TENM2: variants seen among roughly 807,000 people sequenced by gnomAD.
TENM2 encodes the protein teneurin transmembrane protein 2, also known as teneurin-2.
TENM2 carries 52 observed loss-of-function variants against 245.2 expected under a neutral mutation model. That is an observed-to-expected ratio of 0.21 (90% CI 0.17 to 0.27). The LOEUF is 0.27. TENM2 is among the 10% of genes least tolerant of loss of function. The probability of loss-of-function intolerance (pLI) is 1.00; values close to 1 mark genes in which losing one functional copy is unlikely to be tolerated. For missense variants in TENM2, 3,046 were observed against 3,666.8 expected (o/e 0.83, Z 4.37); for synonymous variants, 1,363 against 1,438.9 (o/e 0.95, Z 1.19).
chr5:167,195,844 CA>C, the TENM2 span, among the ~76,000 whole-genome samples: 1 of 151,546 alleles, frequency 6.6e-6, no homozygotes, highest in Non-Finnish European at 1.5e-5. Flanking sequence ...TAGCTTTCCA[CA>C]GTCTGATCTA....
chr5:168,228,004 C>A, exon 25 of TENM2: 2 of 1,613,856 alleles, frequency 1.2e-6, no homozygotes, highest in South Asian at 2.2e-5. Context: ...TAGCGGGCAC[C>A]ATCACCCCCA....
the TENM2 span, among the ~76,000 whole-genome samples, chr5:166,991,595 A>G: frequency 6.6e-6 from 1 of 152,204 alleles, no homozygotes; most frequent in African/African-American, 2.4e-5. Flanking sequence ...GGAGCTGGCT[A>G]TAATTTGCAG....
chr5:167,592,730 T>G (rs1252140506), intron 2 of TENM2, among the ~76,000 whole-genome samples: 1 of 152,186 alleles, frequency 6.6e-6, no homozygotes, highest in Admixed American at 6.5e-5. Context: ...TATTCAAAGT[T>G]ATGTGGACTA....
chr5:167,390,391 A>G (rs1461553009), intron 2 of TENM2, among the ~76,000 whole-genome samples: 6 of 152,196 alleles, frequency 3.9e-5, no homozygotes, highest in Non-Finnish European at 5.9e-5. Context: ...GGAAATTCAC[A>G]TCTACTAAGA....
At chr5:168,226,032 T>C in intron 23 of TENM2, 56 bp from the exon 26 acceptor site, 1 of 1,519,152 alleles carries the variant, frequency 6.6e-7, no homozygotes, top group Non-Finnish European at 9.0e-7. Context: ...GGGAACACTG[T>C]CAGCCCCAAT....
intron 25 of TENM2, among the ~76,000 whole-genome samples, chr5:168,243,920 C>T (rs907591929): frequency 7.9e-5 from 12 of 151,222 alleles, no homozygotes; most frequent in African/African-American, 2.9e-4. Flanking sequence ...ACAAATACTA[C>T]CATTTTCTTT....
At chr5:167,652,703 A>G (rs1360594868) in intron 2 of TENM2, among the ~76,000 whole-genome samples, 1 of 152,028 alleles carries the variant, frequency 6.6e-6, no homozygotes, top group African/African-American at 2.4e-5. Context: ...CTTAATTGCT[A>G]TCCTTTCTAT....
At chr5:167,529,079 T>C (rs1272838631) in intron 2 of TENM2, among the ~76,000 whole-genome samples, 1 of 152,232 alleles carries the variant, frequency 6.6e-6, no homozygotes, top group East Asian at 1.9e-4. Flanking sequence ...TAAGAAAGCC[T>C]TGGCTTGGCT....
chr5:168,114,027 G>T (rs1794877794), intron 9 of TENM2, among the ~76,000 whole-genome samples: 1 of 152,190 alleles, frequency 6.6e-6, no homozygotes, highest in Non-Finnish European at 1.5e-5. Context: ...TCTGGTGATT[G>T]CTAGTGTTTG....
At chr5:167,474,844 G>A (rs1173614231) in intron 2 of TENM2, among the ~76,000 whole-genome samples, 1 of 152,138 alleles carries the variant, frequency 6.6e-6, no homozygotes, top group Non-Finnish European at 1.5e-5. Flanking sequence ...AGATTTATTG[G>A]CATGCTTATT....
At chr5:167,098,157 C>A in the TENM2 span, among the ~76,000 whole-genome samples, 1 of 152,116 alleles carries the variant, frequency 6.6e-6, no homozygotes, top group Non-Finnish European at 1.5e-5. Flanking sequence ...TGCTCCAGTG[C>A]ATTATTTTAA....
At chr5:168,004,794 G>A (rs1038968695) in intron 5 of TENM2, among the ~76,000 whole-genome samples, 9 of 151,760 alleles carry the variant, frequency 5.9e-5, no homozygotes, top group African/African-American at 2.2e-4. Context: ...AAATCGCCTT[G>A]GGGGAAATCC....
At chr5:167,026,617 C>CA in the TENM2 span, among the ~76,000 whole-genome samples, 1 of 152,150 alleles carries the variant, frequency 6.6e-6, no homozygotes, top group Non-Finnish European at 1.5e-5. Context: ...TCCATCCCTA[C>CA]AAAAAAACCT....
chr5:168,087,313 A>G (rs962884050), intron 7 of TENM2: 1 of 152,214 alleles, frequency 6.6e-6, no homozygotes, highest in African/African-American at 2.4e-5. Flanking sequence ...CTGTTGTCCT[A>G]TAAGAAATTA....
intron 2 of TENM2, among the ~76,000 whole-genome samples, chr5:167,396,819 G>A (rs957322542): frequency 6.6e-6 from 1 of 152,146 alleles, no homozygotes; most frequent in Non-Finnish European, 1.5e-5. Context: ...GACATGACAA[G>A]GGCGAAGGCA....
At chr5:168,165,165 T>C (rs1267056451) in intron 13 of TENM2, 1 of 152,190 alleles carries the variant, frequency 6.6e-6, no homozygotes, top group Non-Finnish European at 1.5e-5. Flanking sequence ...CTCCCATTCA[T>C]TCATTTTCTC....
chr5:167,876,003 A>G (rs934047147), exon 3 of TENM2: 8 of 1,550,944 alleles, frequency 5.2e-6, no homozygotes, highest in Non-Finnish European at 7.0e-6. Flanking sequence ...CATTCCACCT[A>G]CATCCTCGCC....
chr5:167,120,601 A>G, the TENM2 span, among the ~76,000 whole-genome samples: 10 of 152,254 alleles, frequency 6.6e-5, no homozygotes, highest in South Asian at 2.1e-3. Context: ...CCGTGGCAGT[A>G]CCTCTTGCTG....
chr5:167,266,868 T>A, the TENM2 span, among the ~76,000 whole-genome samples: 1 of 152,196 alleles, frequency 6.6e-6, no homozygotes, highest in Non-Finnish European at 1.5e-5. Flanking sequence ...CCATGCTAGA[T>A]GAATCACTTT....
Sources: allele counts gnomAD v4.1 joint callset (sites outside exome capture counted in the v4.1 genomes callset), GRCh38; gene constraint gnomAD v4.1.1; transcripts MANE v1.5; gene names NCBI Gene and HGNC (gene_info 2026-07-23, HGNC 2026-07-21).